MAGI2: variants seen among roughly 807,000 people sequenced by gnomAD.
The protein encoded by MAGI2 is membrane-associated guanylate kinase, WW and PDZ domain-containing protein 2.
A neutral mutation model predicts 133.3 loss-of-function variants in MAGI2; 35 were observed. The ratio of observed to expected loss-of-function variants is 0.26; its 90% CI spans 0.20 to 0.35. The LOEUF (loss-of-function observed/expected upper bound fraction) is 0.35, where lower values mean the gene tolerates loss of function less well. Ranked by LOEUF, MAGI2 falls within the 10% of genes least tolerant of loss-of-function variation. MAGI2 has a pLI of 1.00. For missense variants in MAGI2, 1,636 were observed against 1,863.4 expected (o/e 0.88, Z 2.25); for synonymous variants, 729 against 710.6 (o/e 1.03, Z -0.41).
At chr7:78,829,985 T>C (rs1791001815) in intron 2 of MAGI2, among the ~76,000 whole-genome samples, 1 of 152,074 alleles carries the variant, frequency 6.6e-6, no homozygotes, top group South Asian at 2.1e-4. Context: ...CTATAGGAAA[T>C]TGTTTGGTAG....
intron 10 of MAGI2, among the ~76,000 whole-genome samples, chr7:78,224,021 CATGTAAAG>C (rs1346914787): frequency 6.6e-6 from 1 of 152,146 alleles, no homozygotes; most frequent in African/African-American, 2.4e-5. Flanking sequence ...GGACCAAAAT[CATGTAAAG>C]CCTTGGACTG....
chr7:78,731,890 A>C (rs1329484310), intron 2 of MAGI2, among the ~76,000 whole-genome samples: 1 of 152,182 alleles, frequency 6.6e-6, no homozygotes, highest in Admixed American at 6.5e-5. Flanking sequence ...GTACTCACAC[A>C]GTTGAATGTA....
intron 2 of MAGI2, among the ~76,000 whole-genome samples, chr7:78,693,412 G>C (rs966901780): frequency 6.6e-6 from 1 of 152,078 alleles, no homozygotes; most frequent in Non-Finnish European, 1.5e-5. Flanking sequence ...CTTACGATGT[G>C]TACAATCTGT....
intron 14 of MAGI2, among the ~76,000 whole-genome samples, chr7:78,175,208 A>G (rs1826476634): frequency 6.6e-6 from 1 of 152,124 alleles, no homozygotes; most frequent in Non-Finnish European, 1.5e-5. Flanking sequence ...CTTCTCTTGT[A>G]GTTGTCAAGA....
intron 12 of MAGI2, among the ~76,000 whole-genome samples, chr7:78,191,419 T>C (rs1828199815): frequency 6.6e-6 from 1 of 152,248 alleles, no homozygotes; most frequent in African/African-American, 2.4e-5. Flanking sequence ...TGTTGTGTAA[T>C]GGAGCCTTGT....
At chr7:78,450,903 C>T (rs938633839) in intron 6 of MAGI2, among the ~76,000 whole-genome samples, 7 of 152,026 alleles carry the variant, frequency 4.6e-5, no homozygotes, top group Non-Finnish European at 8.8e-5. Context: ...ACAGGGACTT[C>T]GAGCTTCATG....
At chr7:79,358,841 T>C (rs1333388517) in intron 1 of MAGI2, among the ~76,000 whole-genome samples, 3 of 152,180 alleles carry the variant, frequency 2.0e-5, no homozygotes, top group Non-Finnish European at 4.4e-5. Context: ...GTTTGAAGCA[T>C]AGTCCACAAA....
intron 9 of MAGI2, among the ~76,000 whole-genome samples, chr7:78,320,249 G>C (rs938580249): frequency 2.6e-5 from 4 of 152,088 alleles, no homozygotes; most frequent in African/African-American, 9.7e-5. Flanking sequence ...GAAAAAGAAG[G>C]AATCCTTCTT....
intron 2 of MAGI2, among the ~76,000 whole-genome samples, chr7:78,706,064 T>C (rs1437250026): frequency 6.6e-6 from 1 of 152,008 alleles, no homozygotes; most frequent in Non-Finnish European, 1.5e-5. Flanking sequence ...ATGGAGTAAA[T>C]GGTATCTCAA....
chr7:79,101,629 C>G (rs1054006453), intron 1 of MAGI2, among the ~76,000 whole-genome samples: 3 of 146,976 alleles, frequency 2.0e-5, no homozygotes, highest in African/African-American at 5.0e-5. Context: ...GAGGCTGAGG[C>G]AGGAGAATGG....
chr7:78,062,392 C>G (rs533908403), intron 21 of MAGI2, among the ~76,000 whole-genome samples: 1 of 152,356 alleles, frequency 6.6e-6, no homozygotes, highest in East Asian at 1.9e-4. Flanking sequence ...GCCATCATGT[C>G]TTGAGTGCTA....
chr7:78,522,223 C>CT (rs997519357), intron 3 of MAGI2, among the ~76,000 whole-genome samples: 35 of 151,968 alleles, frequency 2.3e-4, no homozygotes, highest in Admixed American at 7.9e-4. Flanking sequence ...ATTACCACAG[C>CT]TTTTTTTTGC....
chr7:78,222,426 C>T (rs959075499), intron 10 of MAGI2, among the ~76,000 whole-genome samples: 15 of 152,190 alleles, frequency 9.9e-5, no homozygotes, highest in Admixed American at 1.3e-4. Flanking sequence ...AGGCACTTCA[C>T]ATCATGCCAT....
At chr7:78,518,570 T>C (rs1796233712) in intron 4 of MAGI2, 1 of 152,242 alleles carries the variant, frequency 6.6e-6, no homozygotes, top group African/African-American at 2.4e-5. Flanking sequence ...TCAATATTCC[T>C]TCGTAATGGA....
chr7:78,296,622 T>C (rs941413363), intron 9 of MAGI2, among the ~76,000 whole-genome samples: 1 of 152,212 alleles, frequency 6.6e-6, no homozygotes, highest in African/African-American at 2.4e-5. Flanking sequence ...AATATTTTTT[T>C]CGGTGAATAA....
At chr7:78,727,750 T>C (rs1178684379) in intron 2 of MAGI2, among the ~76,000 whole-genome samples, 1 of 152,174 alleles carries the variant, frequency 6.6e-6, no homozygotes, top group Non-Finnish European at 1.5e-5. Context: ...TAATGCTCAG[T>C]TGGTTAGTCG....
At chr7:78,524,772 TA>T (rs1796809825) in intron 3 of MAGI2, among the ~76,000 whole-genome samples, 1 of 16,744 alleles carries the variant, frequency 6.0e-5, no homozygotes, top group South Asian at 2.4e-3. Context: ...CAGCTTTCAG[TA>T]AGTATGTTGC....
intron 10 of MAGI2, among the ~76,000 whole-genome samples, chr7:78,208,659 C>A (rs949926080): frequency 1.3e-5 from 2 of 148,878 alleles, no homozygotes; most frequent in African/African-American, 2.5e-5. Flanking sequence ...AAATCCAGTT[C>A]TGACATTTTT....
At chr7:79,272,739 A>G (rs1165412751) in intron 1 of MAGI2, among the ~76,000 whole-genome samples, 2 of 151,926 alleles carry the variant, frequency 1.3e-5, no homozygotes, top group Non-Finnish European at 1.5e-5. Context: ...TTAATCTAAT[A>G]CCATAGTACT....
Sources: allele counts gnomAD v4.1 joint callset (sites outside exome capture counted in the v4.1 genomes callset), GRCh38; gene constraint gnomAD v4.1.1; transcripts MANE v1.5; gene names NCBI Gene and HGNC (gene_info 2026-07-23, HGNC 2026-07-21).